SNRPB: variants seen among roughly 807,000 people sequenced by gnomAD.
SNRPB encodes small nuclear ribonucleoprotein polypeptides B and B1.
SNRPB carries 5 observed loss-of-function variants against 26.6 expected under a neutral mutation model. The observed-to-expected ratio is 0.19, with a 90% CI of 0.10 to 0.39. The LOEUF is 0.39. Among genes scored for constraint, SNRPB ranks in the 10% least tolerant of loss-of-function variants. SNRPB has a pLI of 1.00. For missense variants in SNRPB, 211 were observed against 311.9 expected (o/e 0.68, Z 2.44); for synonymous variants, 122 against 105.8 (o/e 1.15, Z -0.94).
Position 2,463,100 on chromosome 20 carries a change from G to T in SNRPB, c.548C>A (p.Ala183Glu). The T allele has an allele frequency of 6.4e-7, 1 of 1,571,002 alleles. No individual in the cohort carries two copies. Among genetic ancestry groups the T allele is most frequent in the Non-Finnish European group, 8.6e-7 (1 of 1,160,910 alleles). Reference protein sequence around the residue: ...GGPPPPMGRGAPPPGMMGPPP... With the variant: ...GGPPPPMGRGEPPPGMMGPPP... Reference sequence around the variant, plus strand: ...TATGGGCTCCTCACCTGGAGGGGGTGCTCCTCGGCCCATAGGTGGGGGAGG... The same window carrying T: ...TATGGGCTCCTCACCTGGAGGGGGTTCTCCTCGGCCCATAGGTGGGGGAGG... Residue 183 changes from alanine (A) to glutamate (E), a missense_variant, in exon 5 of 7, where the codon GCA becomes GAA. By Grantham distance (107) the Ala-to-Glu change is moderately radical. Coordinates refer to ENST00000381342, the MANE Select transcript of SNRPB (RefSeq NM_003091.4). This position sits in a 1 kb window ranked among gnomAD's most constrained non-coding sequence, Gnocchi z 5.0.
intron 1 of SNRPB, among the ~76,000 whole-genome samples, chr20:2,468,781 C>T (rs761765137): frequency 6.6e-6 from 1 of 152,140 alleles, no homozygotes; most frequent in Non-Finnish European, 1.5e-5. Flanking sequence ...CAAAAATTAG[C>T]CACACGTGGT....
Position 2,463,947 on chromosome 20 carries a change from G to A in SNRPB, c.268-48C>T. 6.5e-7 allele frequency: 1 copy of A among 1,529,302 alleles called. No individual in the cohort carries two copies. Among genetic ancestry groups the A allele is most frequent in the Non-Finnish European group, 9.0e-7 (1 of 1,108,656 alleles). 94.7% of individuals were successfully genotyped at this position (1,529,302 alleles called of 1,614,324 possible). On this transcript the variant is annotated intron_variant, in intron 3 of 6. Coordinates refer to ENST00000381342, the MANE Select transcript of SNRPB (RefSeq NM_003091.4). The surrounding 1 kb of genome is among the most constrained non-coding windows in gnomAD (Gnocchi z 5.0). ...CTGATGCCCAGTGATCTGAAGATCA[G>A]AAGTATACTTTGGAATATCATTGCC...
chr20:2,469,197 GGA>G (rs758855679), intron 1 of SNRPB, among the ~76,000 whole-genome samples: 2 of 152,202 alleles, frequency 1.3e-5, no homozygotes, highest in Non-Finnish European at 2.9e-5. Context: ...ACTGAGGCTA[GGA>G]GAGGTTAAGT....
At chr20:2,467,426 C>A in intron 2 of SNRPB, 181 bp downstream of exon 2, 1 of 655,522 alleles carries the variant, frequency 1.5e-6, no homozygotes, top group Non-Finnish European at 2.7e-6. Flanking sequence ...GACTAGAGAG[C>A]AAGGTTTGCT....
At position 2,461,712 on chromosome 20, in the gene SNRPB, C is replaced by A; in HGVS notation, c.*217G>T. The A allele has an allele frequency of 6.9e-7, 1 of 1,442,484 alleles. No individual in the cohort carries two copies. 89.4% of individuals were successfully genotyped at this position (1,442,484 alleles called of 1,614,324 possible). A position where few individuals can be genotyped will look rare whatever the true frequency, so the allele number is the denominator to read the frequency against. On this transcript the variant is annotated 3_prime_UTR_variant, in exon 7 of 7. Coordinates refer to ENST00000381342, the MANE Select transcript of SNRPB (RefSeq NM_003091.4). ...AAGGAGATAAAAGGACTATGTACAG[C>A]CTTACGGGAAACAGGCAGGGAGCTG... is the stretch of plus-strand genomic sequence containing the variant.
chr20:2,461,891 G>A lies in SNRPB; in HGVS notation c.*38C>T, dbSNP rs777169402. 6.8e-6 allele frequency: 11 copies of A among 1,613,752 alleles called. No homozygotes were observed. Among genetic ancestry groups the A allele is most frequent in the Middle Eastern group, 3.3e-4 (2 of 5,996 alleles). On this transcript the variant is annotated 3_prime_UTR_variant, in exon 7 of 7. Coordinates refer to ENST00000381342, the MANE Select transcript of SNRPB (RefSeq NM_003091.4). ...CGTGGCCCTGAGGAATCGAGCCCACGCCTCTGCGGAGCTACTTCCATACTC... is the reference window on the plus strand; with the variant it reads ...CGTGGCCCTGAGGAATCGAGCCCACACCTCTGCGGAGCTACTTCCATACTC...
Position 2,463,759 on chromosome 20 carries a change from C to A in SNRPB, c.408G>T (p.Gly136=), listed in dbSNP as rs558031167. The change falls in exon 4 of 7, where the codon GGG becomes GGT. Residue 136 remains glycine, a synonymous_variant. Coordinates refer to ENST00000381342, the MANE Select transcript of SNRPB (RefSeq NM_003091.4). This position sits in a 1 kb window ranked among gnomAD's most constrained non-coding sequence, Gnocchi z 5.0. Reference sequence around the variant, plus strand: ...CCCAACTCCTCACCTGTTGGGATGGCCCGCCAACCCCACGGACTGGCCCAG... The same window carrying A: ...CCCAACTCCTCACCTGTTGGGATGGACCGCCAACCCCACGGACTGGCCCAG... ...GLAGPVRGVG[G]PSQQVMTPQG... is the part of the protein sequence containing the mutation. The A allele has an allele frequency of 3.2e-6, 5 of 1,586,716 alleles. No homozygotes were observed. The highest frequency in any genetic ancestry group is 4.3e-6 in the Non-Finnish European group (5 of 1,170,360).
intron 1 of SNRPB, among the ~76,000 whole-genome samples, chr20:2,468,367 AC>A (rs1210075047): frequency 6.6e-6 from 1 of 152,184 alleles, no homozygotes; most frequent in East Asian, 1.9e-4. Context: ...AACCCAACAA[AC>A]ATTTCTGCTT....
intron 1 of SNRPB, among the ~76,000 whole-genome samples, chr20:2,468,890 C>T (rs1442882077): frequency 1.3e-5 from 2 of 152,192 alleles, no homozygotes; most frequent in African/African-American, 4.8e-5. Context: ...CATGCCACTG[C>T]ACTCCAGCCT....
chr20:2,468,710 T>C (rs554382016), intron 1 of SNRPB, among the ~76,000 whole-genome samples: 2 of 152,088 alleles, frequency 1.3e-5, no homozygotes, highest in African/African-American at 4.8e-5. Context: ...CAGAACACCT[T>C]AGGTCAGGAG....
In SNRPB at chr20:2,461,800, G is replaced by C; in HGVS notation, c.*129C>G. ...ATTCCCGGGGGAGGGGGCCCTGTAA[G>C]GGAAACCAGACAATCCCATGAGACT... On this transcript the variant is annotated 3_prime_UTR_variant, in exon 7 of 7. Transcript: ENST00000381342. The C allele has an allele frequency of 6.2e-7, 1 of 1,613,610 alleles. No homozygotes were observed. Among genetic ancestry groups the C allele is most frequent in the Non-Finnish European group, 8.5e-7 (1 of 1,179,758 alleles).
intron 2 of SNRPB, among the ~76,000 whole-genome samples, chr20:2,466,734 C>A (rs1299767565): frequency 6.6e-6 from 1 of 152,002 alleles, no homozygotes; most frequent in Non-Finnish European, 1.5e-5. Context: ...AAATATTTTC[C>A]AATAAACATT....
rs779371324 is a variant in SNRPB, at chr20:2,461,913, A to G, written c.*16T>C. 3.7e-6 allele frequency: 6 copies of G among 1,613,482 alleles called. No homozygotes were observed. Among genetic ancestry groups the G allele is most frequent in the Non-Finnish European group, 5.1e-6 (6 of 1,179,854 alleles). On this transcript the variant is annotated 3_prime_UTR_variant, in exon 7 of 7. Coordinates refer to ENST00000381342, the MANE Select transcript of SNRPB (RefSeq NM_003091.4). ...CACGCCTCTGCGGAGCTACTTCCAT[A>G]CTCTGTGGCCAAGGGTCAAAGAAGG...
intron 5 of SNRPB, 129 bp downstream of exon 5, chr20:2,462,960 C>A (rs1418888417): frequency 1.9e-6 from 2 of 1,067,334 alleles, no homozygotes; most frequent in African/African-American, 1.6e-5. Flanking sequence ...GTCAGCCACG[C>A]TGGATCTCAG....
intron 1 of SNRPB, among the ~76,000 whole-genome samples, chr20:2,469,502 G>C (rs1464516593): frequency 6.6e-6 from 1 of 152,096 alleles, no homozygotes; most frequent in African/African-American, 2.4e-5. Context: ...GACCAGTCTG[G>C]CCAACATGGT....
chr20:2,470,569 G>A (rs1600004691), intron 1 of SNRPB, 119 bp downstream of exon 1: 1 of 1,270,274 alleles, frequency 7.9e-7, no homozygotes, highest in Non-Finnish European at 1.1e-6. Flanking sequence ...GAGCGGCCTC[G>A]GCCCAGGCCT....
intron 1 of SNRPB, among the ~76,000 whole-genome samples, chr20:2,470,102 A>T (rs564590672): frequency 6.6e-6 from 1 of 152,324 alleles, no homozygotes; most frequent in East Asian, 1.9e-4. Context: ...AAGCAAACAT[A>T]TTTCAGAGAG....
intron 5 of SNRPB, 29 bp from the exon 6 acceptor site, chr20:2,462,790 CTCAAGTG>C: frequency 6.6e-7 from 1 of 1,507,530 alleles, no homozygotes; most frequent in Admixed American, 2.3e-5. Context: ...AAGAATATAG[CTCAAGTG>C]TCTATCTTGA....
At position 2,462,648 on chromosome 20, in the gene SNRPB, G is replaced by C. The variant is rs774434271; in HGVS notation, c.673C>G (p.Pro225Ala). The change falls in exon 6 of 7, where the codon CCT becomes GCT. Residue 225 changes from proline (P) to alanine (A), a missense_variant. Coordinates refer to ENST00000381342, the MANE Select transcript of SNRPB (RefSeq NM_003091.4). ...MPPPGMRPPP[P>A]GMRGLL ...TGCAGGCACTTACCTCGCATCCCAG[G>C]GGGAGGAGGCCGCATTCCCGGAGGG... is the stretch of plus-strand genomic sequence containing the variant. The C allele has an allele frequency of 2.5e-6, 4 of 1,613,146 alleles. No individual in the cohort carries two copies. The highest frequency in any genetic ancestry group is 1.7e-4 in the Middle Eastern group (1 of 6,054).
Sources: allele counts gnomAD v4.1 joint callset (sites outside exome capture counted in the v4.1 genomes callset), GRCh38; gene constraint gnomAD v4.1.1; non-coding constraint Gnocchi (gnomAD v3.1); transcripts MANE v1.5; gene names NCBI Gene and HGNC (gene_info 2026-07-23, HGNC 2026-07-21).